Variants in PABPC4L observed in about 807,000 individuals in gnomAD.
The protein encoded by PABPC4L is polyadenylate-binding protein 4-like.
For missense variants in PABPC4L, 452 were observed against 451.4 expected (o/e 1.00, Z -0.01); for synonymous variants, 169 against 164.1 (o/e 1.03, Z -0.23).
the PABPC4L span, among the ~76,000 whole-genome samples, chr4:134,093,695 C>T: frequency 6.6e-6 from 1 of 151,060 alleles, no homozygotes; most frequent in South Asian, 2.1e-4. Flanking sequence ...ATAGCTTTTC[C>T]TCATAAAGTA....
At chr4:133,972,972 T>C in the PABPC4L span, among the ~76,000 whole-genome samples, 1 of 152,152 alleles carries the variant, frequency 6.6e-6, no homozygotes, top group Non-Finnish European at 1.5e-5. Flanking sequence ...GTCAGAAACA[T>C]GCTGAGTGCC....
the PABPC4L span, among the ~76,000 whole-genome samples, chr4:134,013,104 A>G: frequency 6.6e-6 from 1 of 152,010 alleles, no homozygotes; most frequent in Non-Finnish European, 1.5e-5. Flanking sequence ...GGGAGAGGCA[A>G]GAACCCCAAC....
the PABPC4L span, among the ~76,000 whole-genome samples, chr4:134,141,773 C>T: frequency 6.6e-6 from 1 of 151,544 alleles, no homozygotes; most frequent in African/African-American, 2.4e-5. Flanking sequence ...GAGAGCCTTT[C>T]CTTTAAATCA....
At chr4:133,975,791 C>T in the PABPC4L span, among the ~76,000 whole-genome samples, 1 of 152,054 alleles carries the variant, frequency 6.6e-6, no homozygotes, top group African/African-American at 2.4e-5. Context: ...TACCTAACTC[C>T]ATAACTGGAG....
the PABPC4L span, among the ~76,000 whole-genome samples, chr4:134,052,012 G>A: frequency 6.6e-6 from 1 of 151,748 alleles, no homozygotes; most frequent in African/African-American, 2.4e-5. Context: ...TTTAAAAAAA[G>A]AAAAAACAAT....
chr4:134,026,517 A>C, the PABPC4L span, among the ~76,000 whole-genome samples: 1 of 152,262 alleles, frequency 6.6e-6, no homozygotes, highest in East Asian at 1.9e-4. Flanking sequence ...AAAATGTAGT[A>C]GTTAATATGC....
chr4:133,979,479 T>C, the PABPC4L span, among the ~76,000 whole-genome samples: 4 of 152,152 alleles, frequency 2.6e-5, no homozygotes, highest in African/African-American at 9.7e-5. Flanking sequence ...AACATTCTAG[T>C]CCTGGCAAGG....
At chr4:134,063,954 A>G in the PABPC4L span, among the ~76,000 whole-genome samples, 3 of 152,080 alleles carry the variant, frequency 2.0e-5, no homozygotes, top group Non-Finnish European at 4.4e-5. Flanking sequence ...TATTATAATC[A>G]TATATCCAAG....
At chr4:134,185,130 T>G in the PABPC4L span, among the ~76,000 whole-genome samples, 1 of 152,046 alleles carries the variant, frequency 6.6e-6, no homozygotes, top group Non-Finnish European at 1.5e-5. Flanking sequence ...GACAATATAT[T>G]TTGTCAAGCA....
chr4:134,135,214 A>AT, the PABPC4L span, among the ~76,000 whole-genome samples: 2 of 151,880 alleles, frequency 1.3e-5, no homozygotes, highest in Non-Finnish European at 2.9e-5. Context: ...ACCGTTTATG[A>AT]TTTTTTTCTG....
At chr4:133,975,956 T>TTTTTA in the PABPC4L span, among the ~76,000 whole-genome samples, 2 of 152,150 alleles carry the variant, frequency 1.3e-5, no homozygotes, top group Non-Finnish European at 2.9e-5. Flanking sequence ...CATATATTTA[T>TTTTTA]TTTTATTTTA....
the PABPC4L span, among the ~76,000 whole-genome samples, chr4:134,159,275 C>A: frequency 2.6e-5 from 4 of 152,054 alleles, no homozygotes; most frequent in African/African-American, 7.2e-5. Context: ...CAAATAGTGA[C>A]CACCCCCCTG....
At chr4:134,054,256 A>ATATATATATATATATATG in the PABPC4L span, among the ~76,000 whole-genome samples, 2 of 23,888 alleles carry the variant, frequency 8.4e-5, no homozygotes, top group Non-Finnish European at 1.4e-4. Context: ...GTATATGTAT[A>ATATATATATATATATATG]TATATATATA....
the PABPC4L span, among the ~76,000 whole-genome samples, chr4:134,150,499 C>T: frequency 7.3e-4 from 111 of 152,232 alleles, no homozygotes; most frequent in African/African-American, 2.5e-3. Context: ...GCCAAATATA[C>T]ATGTGATGAT....
chr4:134,091,086 A>G, the PABPC4L span, among the ~76,000 whole-genome samples: 2 of 152,058 alleles, frequency 1.3e-5, no homozygotes, highest in African/African-American at 2.4e-5. Flanking sequence ...TTAACTTTCT[A>G]TGTTAACATA....
chr4:134,140,824 T>G, the PABPC4L span, among the ~76,000 whole-genome samples: 2 of 151,648 alleles, frequency 1.3e-5, no homozygotes, highest in East Asian at 1.9e-4. Context: ...GACTGGATGG[T>G]AGTAGTGGAT....
the PABPC4L span, among the ~76,000 whole-genome samples, chr4:133,976,134 T>G: frequency 1.3e-5 from 2 of 151,948 alleles, no homozygotes; most frequent in African/African-American, 4.8e-5. Context: ...AGAGCCCAGT[T>G]TGTGTTGTTC....
the PABPC4L span, among the ~76,000 whole-genome samples, chr4:134,032,504 T>C: frequency 6.6e-6 from 1 of 151,900 alleles, no homozygotes; most frequent in Admixed American, 6.6e-5. Flanking sequence ...TGCAATCATA[T>C]ATTCATTGCC....
chr4:134,065,579 C>T, the PABPC4L span, among the ~76,000 whole-genome samples: 1 of 152,046 alleles, frequency 6.6e-6, no homozygotes, highest in Non-Finnish European at 1.5e-5. Flanking sequence ...TCTGTTTGCT[C>T]TGTTTAGAGT....
Sources: gnomAD v4.1 joint callset for allele counts (sites outside exome capture counted in the v4.1 genomes callset) on GRCh38, gnomAD v4.1.1 for gene constraint, MANE v1.5 for transcripts, NCBI Gene and HGNC (gene_info 2026-07-23, HGNC 2026-07-21) for gene names.